The following CCDC192 variants were observed in gnomAD, a reference collection of about 807,000 sequenced individuals.
CCDC192 encodes the protein coiled-coil domain-containing protein 192.
intron 5 of CCDC192, among the ~76,000 whole-genome samples, chr5:127,871,642 C>T (rs937806603): frequency 3.3e-5 from 5 of 152,058 alleles, no homozygotes; most frequent in Non-Finnish European, 5.9e-5. Context: ...GTAATTGCCA[C>T]GGTTTAAAGT....
chr5:127,815,111 G>C (rs141707026), intron 5 of CCDC192, among the ~76,000 whole-genome samples: 30 of 152,232 alleles, frequency 2.0e-4, no homozygotes, highest in African/African-American at 7.2e-4. Context: ...AAGACTCTAG[G>C]CTGGTGTTTC....
intron 6 of CCDC192, among the ~76,000 whole-genome samples, chr5:127,909,584 G>A (rs995823496): frequency 3.3e-5 from 5 of 151,938 alleles, no homozygotes; most frequent in African/African-American, 1.2e-4. Context: ...AATATCAACA[G>A]CTGTAAAGTG....
intron 6 of CCDC192, among the ~76,000 whole-genome samples, chr5:127,911,943 A>G (rs987156809): frequency 2.7e-5 from 4 of 150,122 alleles, no homozygotes; most frequent in Non-Finnish European, 5.9e-5. Context: ...TTTTTTTCGG[A>G]TGGAATTTTG....
At chr5:127,853,747 T>A (rs1413835532) in intron 5 of CCDC192, among the ~76,000 whole-genome samples, 1 of 152,194 alleles carries the variant, frequency 6.6e-6, no homozygotes, top group African/African-American at 2.4e-5. Flanking sequence ...CACTTCAGCC[T>A]GGGTAACAGA....
intron 5 of CCDC192, among the ~76,000 whole-genome samples, chr5:127,860,132 C>A (rs1184660358): frequency 6.6e-6 from 1 of 152,158 alleles, no homozygotes; most frequent in African/African-American, 2.4e-5. Flanking sequence ...CTACATAAAG[C>A]CTGTCACAAA....
chr5:127,865,307 A>G (rs1211671836), intron 5 of CCDC192, among the ~76,000 whole-genome samples: 3 of 152,172 alleles, frequency 2.0e-5, no homozygotes, highest in African/African-American at 7.2e-5. Context: ...GTTGAGTATG[A>G]GAAATTAAAC....
At chr5:127,821,923 CA>C (rs1749312032) in intron 5 of CCDC192, among the ~76,000 whole-genome samples, 1 of 152,184 alleles carries the variant, frequency 6.6e-6, no homozygotes, top group Admixed American at 6.5e-5. Context: ...AAATATCTCA[CA>C]AGCTCTATTG....
chr5:127,709,936 G>A (rs909611271), intron 2 of CCDC192, among the ~76,000 whole-genome samples: 1 of 152,062 alleles, frequency 6.6e-6, no homozygotes, highest in African/African-American at 2.4e-5. Flanking sequence ...TAATCAACCA[G>A]CACCCTAGAG....
intron 6 of CCDC192, among the ~76,000 whole-genome samples, chr5:127,894,865 A>G (rs968213209): frequency 6.6e-6 from 1 of 152,346 alleles, no homozygotes; most frequent in East Asian, 1.9e-4. Context: ...TGCCCATGCT[A>G]TATGTTAGAT....
chr5:127,798,467 T>G (rs1385591058), intron 5 of CCDC192, among the ~76,000 whole-genome samples: 1 of 151,868 alleles, frequency 6.6e-6, no homozygotes, highest in Admixed American at 6.6e-5. Flanking sequence ...GTTGGGTGAG[T>G]AGGTGGAAGT....
At chr5:127,708,592 CT>C (rs1380926837) in intron 2 of CCDC192, among the ~76,000 whole-genome samples, 1 of 152,128 alleles carries the variant, frequency 6.6e-6, no homozygotes, top group East Asian at 1.9e-4. Flanking sequence ...AGAATCAAGA[CT>C]TGGGATGAGG....
chr5:127,703,655 C>A, intron 1 of CCDC192, 148 bp downstream of exon 1: 1 of 381,898 alleles, frequency 2.6e-6, no homozygotes, highest in Non-Finnish European at 4.6e-6. Context: ...AGAGTGACCC[C>A]TTTCTTTGAA....
At chr5:127,795,149 G>A (rs1432499074) in intron 3 of CCDC192, among the ~76,000 whole-genome samples, 1 of 151,976 alleles carries the variant, frequency 6.6e-6, no homozygotes, top group Non-Finnish European at 1.5e-5. Flanking sequence ...AATTAGCCAG[G>A]CGTGGTGGTG....
rs60854127 is a variant in CCDC192 at position 127,912,419 on chromosome 5, C to CAAAAAAAA, written c.536-28749_536-28742dup. 6.8e-3 allele frequency among the ~76,000 whole-genome samples: 555 copies of CAAAAAAAA among 81,400 alleles called. 63 individuals carry two copies. Among genetic ancestry groups the CAAAAAAAA allele is most frequent in the African/African-American group, 0.026 (520 of 19,782 alleles). 53.4% of individuals were successfully genotyped at this position (81,400 alleles called of 152,430 possible). ...AGTGAGAATAGATTCCTGGGTTTAGCAAAAAAAAAAAAAAAAAAAAATGAA... is the reference window on the plus strand; with the variant it reads ...AGTGAGAATAGATTCCTGGGTTTAGCAAAAAAAAAAAAAAAAAAAAAAAAAAAAATGAA... On this transcript the variant is annotated intron_variant, in intron 6 of 6. Transcript: ENST00000514853.
intron 5 of CCDC192, among the ~76,000 whole-genome samples, chr5:127,806,336 T>G (rs1757778441): frequency 6.6e-6 from 1 of 152,076 alleles, no homozygotes; most frequent in Non-Finnish European, 1.5e-5. Context: ...CAGATCTAAG[T>G]CCTGTTTCCT....
chr5:127,855,597 A>G (rs999286451), intron 5 of CCDC192, among the ~76,000 whole-genome samples: 5 of 152,196 alleles, frequency 3.3e-5, no homozygotes, highest in East Asian at 1.9e-4. Context: ...AAGGCCTTCA[A>G]TTGACTTTGC....
chr5:127,827,318 T>A (rs1391389789), intron 5 of CCDC192, among the ~76,000 whole-genome samples: 2 of 152,180 alleles, frequency 1.3e-5, no homozygotes, highest in African/African-American at 4.8e-5. Flanking sequence ...AGATATTAGA[T>A]CTTGGTAGCA....
At chr5:127,710,384 G>A (rs1456212498) in intron 2 of CCDC192, among the ~76,000 whole-genome samples, 1 of 151,884 alleles carries the variant, frequency 6.6e-6, no homozygotes, top group Non-Finnish European at 1.5e-5. Flanking sequence ...AGACAGAGAT[G>A]AGAAAATCTT....
intron 6 of CCDC192, among the ~76,000 whole-genome samples, chr5:127,908,250 A>T (rs927534850): frequency 5.3e-5 from 8 of 152,306 alleles, no homozygotes; most frequent in African/African-American, 1.9e-4. Context: ...AAAACATACT[A>T]ATAATCCAAA....
Sources: allele counts gnomAD v4.1 joint callset (sites outside exome capture counted in the v4.1 genomes callset), GRCh38; gene constraint gnomAD v4.1.1; transcripts MANE v1.5; gene names NCBI Gene and HGNC (gene_info 2026-07-23, HGNC 2026-07-21).